Variants in SMOC2 observed in about 807,000 individuals in gnomAD.
SMOC2 encodes the protein SPARC related modular calcium binding 2.
Under a neutral mutation model 61.4 loss-of-function variants are expected in SMOC2, and 39 were observed. That is an observed-to-expected ratio of 0.64 (90% CI 0.49 to 0.83). The LOEUF (loss-of-function observed/expected upper bound fraction) is 0.83. Among genes scored for constraint, SMOC2 ranks in the 40% least tolerant of loss-of-function variants. The pLI, the probability that SMOC2 is intolerant of heterozygous loss-of-function variation, is 0.00. For synonymous variants in SMOC2, 247 were observed against 239.9 expected, an observed-to-expected ratio of 1.03 and a Z score of -0.27; for missense variants, 556 against 592.9, an observed-to-expected ratio of 0.94 and a Z score of 0.65.
At chr6:168,601,912 C>G (rs1414579233) in intron 8 of SMOC2, among the ~76,000 whole-genome samples, 3 of 152,190 alleles carry the variant, frequency 2.0e-5, no homozygotes, top group African/African-American at 7.2e-5. Flanking sequence ...CTCTGGCTCT[C>G]CTGTTTCCTA....
intron 7 of SMOC2, among the ~76,000 whole-genome samples, chr6:168,568,224 C>A (rs370707625): frequency 1.3e-5 from 2 of 152,196 alleles, no homozygotes; most frequent in Non-Finnish European, 2.9e-5. Flanking sequence ...TGGTGTGAGT[C>A]GGTGTCTCAT....
chr6:168,503,013 G>T (rs903968009), intron 1 of SMOC2, among the ~76,000 whole-genome samples: 7 of 147,734 alleles, frequency 4.7e-5, no homozygotes, highest in Non-Finnish European at 8.9e-5. Flanking sequence ...TGATCTGCCT[G>T]CCTTGGCCTC....
At chr6:168,517,365 G>A (rs990489575) in intron 2 of SMOC2, among the ~76,000 whole-genome samples, 1 of 152,240 alleles carries the variant, frequency 6.6e-6, no homozygotes, top group Non-Finnish European at 1.5e-5. Flanking sequence ...GCCGCCTCAC[G>A]CCTGCTCCTG....
chr6:168,543,820 C>A (rs897414690), intron 5 of SMOC2, 148 bp downstream of exon 5: 1 of 741,380 alleles, frequency 1.3e-6, no homozygotes, highest in Non-Finnish European at 2.2e-6. Context: ...TCAGCAATGC[C>A]ATTCACTCAC....
chr6:168,612,152 C>T (rs926379583), intron 9 of SMOC2, among the ~76,000 whole-genome samples: 9 of 152,206 alleles, frequency 5.9e-5, no homozygotes, highest in Non-Finnish European at 1.2e-4. Context: ...ATGGGCTTTC[C>T]AGTGTGGGGA....
chr6:168,477,122 A>G (rs1186578623), intron 1 of SMOC2, among the ~76,000 whole-genome samples: 1 of 152,242 alleles, frequency 6.6e-6, no homozygotes, highest in African/African-American at 2.4e-5. Context: ...GTGGGTCTGC[A>G]CTTTTCAAAC....
chr6:168,471,458 A>G (rs1381098542), intron 1 of SMOC2, among the ~76,000 whole-genome samples: 1 of 152,176 alleles, frequency 6.6e-6, no homozygotes, highest in African/African-American at 2.4e-5. Context: ...TATTGTATGC[A>G]TACACCACCT....
chr6:168,616,664 T>A (rs958521995), intron 9 of SMOC2, among the ~76,000 whole-genome samples: 4 of 152,178 alleles, frequency 2.6e-5, no homozygotes, highest in Non-Finnish European at 5.9e-5. Context: ...TTGAAGGAAA[T>A]TGCAGTTTTT....
intron 8 of SMOC2, among the ~76,000 whole-genome samples, chr6:168,605,949 T>TC (rs1785675599): frequency 1.3e-5 from 2 of 152,064 alleles, no homozygotes; most frequent in East Asian, 1.9e-4. Context: ...TTTTGGCAGC[T>TC]CCCCCTTCAT....
intron 2 of SMOC2, among the ~76,000 whole-genome samples, chr6:168,519,088 T>C (rs1021981770): frequency 6.0e-5 from 9 of 150,594 alleles, no homozygotes; most frequent in Non-Finnish European, 1.3e-4. Flanking sequence ...TGCGTGCATG[T>C]GTGAACATGC....
At chr6:168,558,871 ATG>A (rs149329004) in intron 7 of SMOC2, among the ~76,000 whole-genome samples, 3 of 148,738 alleles carry the variant, frequency 2.0e-5, no homozygotes, top group South Asian at 2.1e-4. Context: ...ATGTGTGTGC[ATG>A]TGTGTGCGTG....
At chr6:168,590,519 G>A (rs530381494) in intron 7 of SMOC2, among the ~76,000 whole-genome samples, 7 of 152,268 alleles carry the variant, frequency 4.6e-5, no homozygotes, top group South Asian at 4.1e-4. Context: ...GGAGCTTCGC[G>A]GGACCATGTG....
chr6:168,490,328 G>A (rs1054074929), intron 1 of SMOC2, among the ~76,000 whole-genome samples: 5 of 152,178 alleles, frequency 3.3e-5, no homozygotes, highest in East Asian at 3.9e-4. Context: ...GAAATATATC[G>A]GGGAGGAAGA....
intron 11 of SMOC2, among the ~76,000 whole-genome samples, chr6:168,657,257 A>G (rs951561885): frequency 2.0e-5 from 3 of 152,232 alleles, no homozygotes; most frequent in African/African-American, 7.2e-5. Flanking sequence ...AGATGCTGCC[A>G]TCCCTGACAC....
At chr6:168,536,157 A>T (rs59307672) in intron 4 of SMOC2, among the ~76,000 whole-genome samples, 8,627 of 152,158 alleles carry the variant, frequency 0.057, 496 homozygotes, top group East Asian at 0.3. Flanking sequence ...CTGGCCCCAC[A>T]CTCCAAGCCC....
rs539420056 is a variant in SMOC2, at chr6:168,453,579, A to G, written c.84+12125A>G. On this transcript the variant is annotated intron_variant, in intron 1 of 12. Transcript: ENST00000356284. This position sits in a 1 kb window ranked among gnomAD's most constrained non-coding sequence, Gnocchi z 4.4. ...CTCTCTGATTCTCTCAGTCTCTGCC[A>G]TTTGCTCTCTCTCTTTCTGTCTGTC... 1.4e-5 allele frequency among the ~76,000 whole-genome samples: 2 copies of G among 141,276 alleles called. 1 individual carries two copies. The highest frequency in any genetic ancestry group is 4.6e-4 in the South Asian group (2 of 4,328). The allele number at this position is 141,276 out of a possible 152,430, so 92.7% of individuals were successfully genotyped here.
chr6:168,596,051 AC>A (rs1785325382), intron 7 of SMOC2, among the ~76,000 whole-genome samples: 1 of 126,056 alleles, frequency 7.9e-6, no homozygotes, highest in Non-Finnish European at 1.8e-5. Context: ...CCACGTGAAC[AC>A]GGCAGTGATG....
intron 1 of SMOC2, among the ~76,000 whole-genome samples, chr6:168,449,330 A>G (rs1781407696): frequency 6.6e-6 from 1 of 152,216 alleles, no homozygotes; most frequent in Admixed American, 6.5e-5. Flanking sequence ...ATTCTTCCTG[A>G]CATTAGCAAT....
intron 9 of SMOC2, among the ~76,000 whole-genome samples, chr6:168,642,588 G>A (rs574662322): frequency 2.5e-4 from 38 of 152,292 alleles, no homozygotes; most frequent in Non-Finnish European, 5.0e-4. Flanking sequence ...GTCTTGAATC[G>A]TCCAAAAGAG....
Sources: allele counts gnomAD v4.1 joint callset (sites outside exome capture counted in the v4.1 genomes callset), GRCh38; gene constraint gnomAD v4.1.1; non-coding constraint Gnocchi (gnomAD v3.1); transcripts MANE v1.5; gene names NCBI Gene and HGNC (gene_info 2026-07-23, HGNC 2026-07-21).